The following CA10 variants were observed in gnomAD, a reference collection of about 807,000 sequenced individuals.
The protein encoded by CA10 is carbonic anhydrase 10 (inactive), also known as carbonic anhydrase-related protein 10.
Under a neutral mutation model 44.2 loss-of-function variants are expected in CA10, and 14 were observed. The observed-to-expected ratio is 0.32, with a 90% confidence interval of 0.21 to 0.50. The LOEUF (loss-of-function observed/expected upper bound fraction) is 0.50. Among genes scored for constraint, CA10 ranks in the 20% least tolerant of loss-of-function variants. CA10 has a pLI of 0.99. For synonymous variants in CA10, 159 were observed against 141.6 expected, an observed-to-expected ratio of 1.12 and a Z score of -0.87; for missense variants, 350 against 409.7, an observed-to-expected ratio of 0.85 and a Z score of 1.26.
chr17:52,102,260 T>G (rs899703926), intron 1 of CA10, among the ~76,000 whole-genome samples: 27 of 152,208 alleles, frequency 1.8e-4, no homozygotes, highest in African/African-American at 6.5e-4. Context: ...AGAAGGCTGT[T>G]TGTGGAACAT....
At chr17:52,104,446 C>T (rs1598216696) in intron 1 of CA10, among the ~76,000 whole-genome samples, 1 of 152,210 alleles carries the variant, frequency 6.6e-6, no homozygotes, top group Admixed American at 6.5e-5. Flanking sequence ...TCAAGCAACC[C>T]GCCTGCCTCA....
chr17:51,741,012 C>G (rs1389562878), intron 4 of CA10, among the ~76,000 whole-genome samples: 1 of 152,172 alleles, frequency 6.6e-6, no homozygotes, highest in Non-Finnish European at 1.5e-5. Context: ...TGTCTCCCCC[C>G]GCTAGACTAT....
chr17:52,097,704 A>G (rs141270860), intron 1 of CA10, among the ~76,000 whole-genome samples: 165 of 152,268 alleles, frequency 1.1e-3, no homozygotes, highest in African/African-American at 3.8e-3. Flanking sequence ...AGCACTCACC[A>G]AAGTCAGGAA....
intron 4 of CA10, among the ~76,000 whole-genome samples, chr17:51,734,011 T>C (rs559311301): frequency 1.4e-5 from 2 of 145,718 alleles, no homozygotes; most frequent in East Asian, 2.1e-4. Flanking sequence ...GCTACTAGTA[T>C]GGTAGTGGCA....
At chr17:51,732,803 G>A (rs1268473598) in intron 4 of CA10, among the ~76,000 whole-genome samples, 1 of 152,064 alleles carries the variant, frequency 6.6e-6, no homozygotes, top group Non-Finnish European at 1.5e-5. Flanking sequence ...ACATAAACTT[G>A]GGAGCTGAAG....
intron 4 of CA10, among the ~76,000 whole-genome samples, chr17:51,710,371 G>A (rs1915896031): frequency 6.6e-6 from 1 of 152,080 alleles, no homozygotes; most frequent in Non-Finnish European, 1.5e-5. Flanking sequence ...ACAGGCTGGA[G>A]GAGCTCCCTG....
chr17:52,130,477 A>G (rs1489082686), intron 1 of CA10, among the ~76,000 whole-genome samples: 1 of 152,240 alleles, frequency 6.6e-6, no homozygotes, highest in African/African-American at 2.4e-5. Flanking sequence ...GCCTTAAAAT[A>G]GAAGGAAACT....
chr17:52,137,666 T>C (rs1257495346), intron 1 of CA10, among the ~76,000 whole-genome samples: 1 of 152,214 alleles, frequency 6.6e-6, no homozygotes. Flanking sequence ...ATAATATCTT[T>C]CACAGTGCTT....
chr17:51,713,743 G>A (rs1233394570), intron 4 of CA10, among the ~76,000 whole-genome samples: 1 of 152,142 alleles, frequency 6.6e-6, no homozygotes, highest in African/African-American at 2.4e-5. Flanking sequence ...ACCAATCCTG[G>A]TACCCTGTTC....
At chr17:51,821,317 G>A (rs1369839198) in intron 3 of CA10, among the ~76,000 whole-genome samples, 1 of 151,666 alleles carries the variant, frequency 6.6e-6, no homozygotes, top group African/African-American at 2.4e-5. Context: ...CAAGTGCCAT[G>A]GACAGGTGGA....
At chr17:51,674,832 A>G (rs1474915578) in intron 4 of CA10, among the ~76,000 whole-genome samples, 1 of 152,166 alleles carries the variant, frequency 6.6e-6, no homozygotes, top group Non-Finnish European at 1.5e-5. Context: ...AAGATGCCAG[A>G]AGTCTGTTTA....
chr17:52,097,897 ATTTC>A (rs1478393329), intron 1 of CA10, among the ~76,000 whole-genome samples: 9 of 152,144 alleles, frequency 5.9e-5, no homozygotes, highest in Admixed American at 5.9e-4. Context: ...TAAAATAGAC[ATTTC>A]TATAAAACTT....
intron 3 of CA10, among the ~76,000 whole-genome samples, chr17:51,831,914 G>A (rs931547381): frequency 2.6e-5 from 4 of 152,136 alleles, no homozygotes; most frequent in African/African-American, 9.7e-5. Flanking sequence ...GAGGGAAGGG[G>A]TTGCTAGATA....
At chr17:51,868,883 G>GTT (rs138620002) in intron 3 of CA10, among the ~76,000 whole-genome samples, 85 of 148,662 alleles carry the variant, frequency 5.7e-4, no homozygotes, top group African/African-American at 2.1e-3. Context: ...GAAGCCAAAA[G>GTT]TTTTTTTGTT....
intron 1 of CA10, among the ~76,000 whole-genome samples, chr17:52,079,097 T>C (rs1187937097): frequency 2.0e-5 from 3 of 152,080 alleles, no homozygotes; most frequent in African/African-American, 7.2e-5. Context: ...CCATCCTGGC[T>C]CACACGGGGA....
Position 51,631,612 on chromosome 17 carries a change from AAGAG to A in CA10, c.965-10_965-7del. ...CTTGAGGAGCCATTCATTTACTGCA[AAGAG>A]AGAGAAAGAAAAAAAAAATCACACA... On this transcript the variant is annotated splice_polypyrimidine_tract_variant and splice_region_variant and intron_variant, in intron 8 of 8. Transcript: ENST00000451037. The A allele has an allele frequency of 6.2e-7, 1 of 1,611,206 alleles. No homozygotes were observed. Among genetic ancestry groups the A allele is most frequent in the South Asian group, 1.1e-5 (1 of 90,868 alleles).
intron 2 of CA10, among the ~76,000 whole-genome samples, chr17:51,942,290 AC>A (rs1983108572): frequency 6.6e-6 from 1 of 152,032 alleles, no homozygotes; most frequent in African/African-American, 2.4e-5. Flanking sequence ...GAGTCTTGGA[AC>A]CCAAACACAA....
intron 3 of CA10, among the ~76,000 whole-genome samples, chr17:51,803,918 A>G (rs1907031529): frequency 6.6e-6 from 1 of 152,196 alleles, no homozygotes; most frequent in Non-Finnish European, 1.5e-5. Flanking sequence ...TGAATTGTGT[A>G]GTAGTTAAGT....
chr17:51,751,685 C>G (rs1010470222), intron 3 of CA10, among the ~76,000 whole-genome samples: 29 of 152,164 alleles, frequency 1.9e-4, no homozygotes, highest in Non-Finnish European at 2.6e-4. Context: ...CTAACTTCTG[C>G]CTTGTGATGA....
Sources: gnomAD v4.1 joint callset for allele counts (sites outside exome capture counted in the v4.1 genomes callset) on GRCh38, gnomAD v4.1.1 for gene constraint, MANE v1.5 for transcripts, NCBI Gene and HGNC (gene_info 2026-07-23, HGNC 2026-07-21) for gene names.